Variants in ANKRD26 observed in about 807,000 individuals in gnomAD.
ANKRD26 encodes ankyrin repeat domain-containing protein 26.
A neutral mutation model predicts 208.7 loss-of-function variants in ANKRD26; 141 were observed. The observed-to-expected ratio is 0.68, with a 90% CI of 0.59 to 0.78. The LOEUF is 0.78. Ranked by LOEUF, ANKRD26 falls within the 30% of genes least tolerant of loss-of-function variation. The pLI is 0.00. For missense variants in ANKRD26, 1,889 were observed against 1,938.7 expected, an observed-to-expected ratio of 0.97 and a Z score of 0.48; for synonymous variants, 636 against 660.4, an observed-to-expected ratio of 0.96 and a Z score of 0.57.
At chr10:26,969,327 A>G (rs1589154384), downstream of ANKRD26, among the ~76,000 whole-genome samples, 1 of 152,254 alleles carries the variant, frequency 6.6e-6, no homozygotes, top group African/African-American at 2.4e-5. Flanking sequence ...AATATGAGTG[A>G]TAACTACACG....
chr10:27,066,423 C>T, intron 11 of ANKRD26, 64 bp downstream of exon 11: 1 of 1,299,430 alleles, frequency 7.7e-7, no homozygotes, highest in Non-Finnish European at 1.1e-6. Flanking sequence ...CAAAGCATCT[C>T]TTTATGTTTT....
chr10:27,096,598 T>A (rs1049421628), intron 1 of ANKRD26, among the ~76,000 whole-genome samples: 1 of 151,194 alleles, frequency 6.6e-6, no homozygotes, highest in African/African-American at 2.4e-5. Flanking sequence ...ACCCCGTCTC[T>A]ACTAAAAATA....
chr10:26,992,736 A>G (rs1289201027), intron 5 of ANKRD26, among the ~76,000 whole-genome samples: 10 of 152,142 alleles, frequency 6.6e-5, no homozygotes, highest in Admixed American at 5.2e-4. Context: ...ATTATGAGCA[A>G]TATCTTCTGC....
chr10:26,969,850 A>T (rs2052118642), downstream of ANKRD26, among the ~76,000 whole-genome samples: 2 of 143,864 alleles, frequency 1.4e-5, no homozygotes. Context: ...TTTGAGATGG[A>T]GTCTCGCTCT....
At chr10:27,062,252 G>A (rs757374613) in intron 12 of ANKRD26, 1 of 961,284 alleles carries the variant, frequency 1.0e-6, no homozygotes, top group Non-Finnish European at 1.2e-6. Context: ...CCATCTCTTT[G>A]TTTCTTCTCC....
At chr10:27,001,573 A>C (rs1391040802), downstream of ANKRD26, among the ~76,000 whole-genome samples, 1 of 152,188 alleles carries the variant, frequency 6.6e-6, no homozygotes, top group East Asian at 1.9e-4. Flanking sequence ...AAAACTGGTT[A>C]GGGCTAGGTG....
chr10:27,029,348 T>A lies in ANKRD26; in HGVS notation c.3816A>T (p.Glu1272Asp), dbSNP rs2053786694. Residue 1272 changes from glutamate (E) to aspartate (D), a missense_variant, in exon 26 of 34, where the codon GAA becomes GAT. Around this residue, in one of 3 missense-constraint regions of ANKRD26, gnomAD observed 613 missense variants for 648.2 expected, o/e 0.95. Transcript: ENST00000376087. ...KLGQIRNQLQ[E>D]AQDRHTEAVR... ...CAGCTTCTGTATGTCGATCCTGTGC[T>A]TCTTGCAACTAAAACAAAGAATAAA... 1 of 1,611,912 alleles carries A rather than the reference T, an allele frequency of 6.2e-7. No individual in the cohort carries two copies. Among genetic ancestry groups the A allele is most frequent in the Admixed American group, 1.7e-5 (1 of 59,872 alleles).
At chr10:27,061,321 T>C (rs2055047485) in intron 12 of ANKRD26, 79 bp from the exon 13 acceptor site, 9 of 880,400 alleles carry the variant, frequency 1.0e-5, no homozygotes, top group Non-Finnish European at 1.6e-5. Flanking sequence ...CAGAATTAGA[T>C]ATTAATAACA....
chr10:26,960,377 T>C, the ANKRD26 span, among the ~76,000 whole-genome samples: 1 of 152,048 alleles, frequency 6.6e-6, no homozygotes, highest in African/African-American at 2.4e-5. Flanking sequence ...CCATGAAAAA[T>C]AGACGGCCCC....
chr10:26,964,768 T>A, the ANKRD26 span, among the ~76,000 whole-genome samples: 3 of 152,154 alleles, frequency 2.0e-5, no homozygotes, highest in Non-Finnish European at 4.4e-5. Context: ...CATTTAGGGG[T>A]GACATTTAAG....
intron 28 of ANKRD26, among the ~76,000 whole-genome samples, 165 bp downstream of exon 28, chr10:27,024,282 A>C (rs925397054): frequency 1.3e-5 from 2 of 152,208 alleles, no homozygotes; most frequent in Non-Finnish European, 2.9e-5. Context: ...AGGCATTCCA[A>C]AAGTTTCAGA....
At position 27,060,355 on chromosome 10, in the gene ANKRD26, T is replaced by C. The variant is rs2055009477; in HGVS notation, c.1554A>G (p.Thr518=). 1 of 1,608,270 alleles carries C rather than the reference T, an allele frequency of 6.2e-7. No homozygotes were observed. The highest frequency in any genetic ancestry group is 8.5e-7 in the Non-Finnish European group (1 of 1,174,972). The change falls in exon 15 of 34, where the codon ACA becomes ACG. Residue 518 remains threonine (T), a synonymous_variant. Transcript: ENST00000376087. ...TATTGCAACATTTACCTGCTTTGGATGTTTGTACATCCTTCATTCCTCCTG... is the reference window on the plus strand; with the variant it reads ...TATTGCAACATTTACCTGCTTTGGACGTTTGTACATCCTTCATTCCTCCTG... ...NKAGGMKDVQ[T]SKAAEHDLEV...
chr10:27,090,136 GA>G (rs2056251826), intron 4 of ANKRD26, among the ~76,000 whole-genome samples: 1 of 152,108 alleles, frequency 6.6e-6, no homozygotes, highest in Non-Finnish European at 1.5e-5. Context: ...TAGTGGGCAT[GA>G]GGGGTGTTCT....
chr10:26,978,291 G>C (rs1463403530), intron 5 of ANKRD26, among the ~76,000 whole-genome samples: 1 of 151,704 alleles, frequency 6.6e-6, no homozygotes, highest in African/African-American at 2.4e-5. Context: ...CCTGTCTCTA[G>C]TAAAAAATAC....
chr10:26,999,749 C>T (rs74128525), downstream of ANKRD26, among the ~76,000 whole-genome samples: 361 of 133,536 alleles, frequency 2.7e-3, 2 homozygotes, highest in African/African-American at 9.6e-3. Context: ...ATTCCACACT[C>T]ATAGGCTAGA....
At chr10:27,039,817 G>C (rs2054169573) in intron 21 of ANKRD26, 148 bp downstream of exon 21, 4 of 674,968 alleles carry the variant, frequency 5.9e-6, no homozygotes, top group African/African-American at 1.8e-5. Context: ...TTAAGAACTA[G>C]TTATATTATT....
chr10:27,054,527 G>A (rs2054776220), intron 15 of ANKRD26, among the ~76,000 whole-genome samples: 1 of 152,146 alleles, frequency 6.6e-6, no homozygotes, highest in Admixed American at 6.5e-5. Context: ...GGAGGTTGCG[G>A]AGAGCCAAGA....
intron 15 of ANKRD26, among the ~76,000 whole-genome samples, chr10:27,059,317 T>C (rs1012823399): frequency 6.6e-6 from 1 of 152,226 alleles, no homozygotes; most frequent in African/African-American, 2.4e-5. Context: ...GCTACTTGTG[T>C]CGATACGGGT....
At chr10:27,016,535 C>T (rs2053298977) in intron 30 of ANKRD26, among the ~76,000 whole-genome samples, 1 of 151,178 alleles carries the variant, frequency 6.6e-6, no homozygotes, top group African/African-American at 2.4e-5. Context: ...CCTCGGCTTC[C>T]CAAAGTGCTG....
Sources: gnomAD v4.1 joint callset for allele counts (sites outside exome capture counted in the v4.1 genomes callset) on GRCh38, gnomAD v4.1.1 for gene constraint, gnomAD v4.1.1 regional missense constraint, MANE v1.5 for transcripts, NCBI Gene and HGNC (gene_info 2026-07-23, HGNC 2026-07-21) for gene names.